TRMT2B: variants seen among roughly 807,000 people sequenced by gnomAD.
TRMT2B encodes the protein tRNA methyltransferase 2B, also known as tRNA (uracil-5-)-methyltransferase homolog B.
A neutral mutation model predicts 39.7 loss-of-function variants in TRMT2B; 34 were observed. The observed-to-expected ratio is 0.86, with a 90% CI of 0.65 to 1.14. The LOEUF (loss-of-function observed/expected upper bound fraction) is 1.14, where lower values mean the gene tolerates loss of function less well. Ranked by LOEUF, TRMT2B falls within the 50% of genes most tolerant of loss-of-function variation. The pLI, the probability that TRMT2B is intolerant of heterozygous loss-of-function variation, is 0.00. For missense variants in TRMT2B, 318 were observed against 377.2 expected (o/e 0.84, Z 1.30); for synonymous variants, 132 against 137.3 (o/e 0.96, Z 0.27).
At position 101,019,284 on chromosome X, in the gene TRMT2B, G is replaced by A. The variant is rs757181399; in HGVS notation, c.1288C>T (p.His430Tyr). 1.6e-5 allele frequency: 19 copies of A among 1,209,524 alleles called. No homozygotes were observed. The East Asian group carries it at 2.1e-4, about 13-fold the overall frequency. Residue 430 changes from histidine (H) to tyrosine (Y), a missense_variant and splice_region_variant, in exon 12 of 14, where the codon CAT (histidine) becomes TAT (tyrosine). Coordinates refer to ENST00000372936, the MANE Select transcript of TRMT2B (RefSeq NM_024917.6). ...CATCAAAATAGCTGTTCATCCTTAC[G>A]CAGTCCGGCACGGGCTGGGTTCACC... is the stretch of plus-strand genomic sequence containing the variant. ...AVVNPARAGL[H>Y]YKVIQAIRNF...
At chrX:100,999,210 C>G in the TRMT2B span, among the ~76,000 whole-genome samples, 1 of 112,235 alleles carries the variant, frequency 8.9e-6, no homozygotes, top group Non-Finnish European at 1.9e-5. Flanking sequence ...GCTTAGTCTC[C>G]TTTGAAGAGA....
intron 2 of TRMT2B, among the ~76,000 whole-genome samples, chrX:101,045,042 G>C (rs1357934221): frequency 5.7e-4 from 60 of 105,194 alleles, no homozygotes; most frequent in African/African-American, 2.0e-3. Flanking sequence ...AAAAAAAAAG[G>C]GGGGGGTGGG....
chrX:100,996,753 C>T, the TRMT2B span, among the ~76,000 whole-genome samples: 3 of 109,394 alleles, frequency 2.7e-5, no homozygotes, highest in Admixed American at 9.8e-5. Flanking sequence ...TCTCTACTAA[C>T]GATCAAAAAT....
At chrX:101,037,190 G>T in intron 5 of TRMT2B, 117 bp from the exon 6 acceptor site, 3 of 550,754 alleles carry the variant, frequency 5.4e-6, no homozygotes, top group Non-Finnish European at 9.2e-6. Context: ...TTGCTTGGAG[G>T]GTATGGCATA....
At chrX:100,990,729 A>G in the TRMT2B span, 1 of 561,023 alleles carries the variant, frequency 1.8e-6, no homozygotes, top group Non-Finnish European at 2.8e-6. Flanking sequence ...ACCAAAACTG[A>G]GCCTTAGAAA....
At chrX:100,998,073 G>A in the TRMT2B span, among the ~76,000 whole-genome samples, 1 of 110,152 alleles carries the variant, frequency 9.1e-6, no homozygotes, top group Non-Finnish European at 1.9e-5. Flanking sequence ...TGGCCAACAT[G>A]GTGAAATCCC....
chrX:101,007,872 CA>C (rs2086128014), downstream of TRMT2B, among the ~76,000 whole-genome samples: 1 of 110,464 alleles, frequency 9.1e-6, no homozygotes, highest in Non-Finnish European at 1.9e-5. Context: ...TGAACTGGGG[CA>C]AGAGTGAATA....
chrX:101,014,571 A>G (rs1199256351), intron 13 of TRMT2B, among the ~76,000 whole-genome samples: 2 of 108,797 alleles, frequency 1.8e-5, no homozygotes, highest in Non-Finnish European at 3.8e-5. Context: ...ATTTCCCTCT[A>G]TTGCCCAGGC....
intron 3 of TRMT2B, 37 bp downstream of exon 3, chrX:101,042,005 A>G (rs1311136822): frequency 8.3e-7 from 1 of 1,199,340 alleles, no homozygotes; most frequent in African/African-American, 1.7e-5. Flanking sequence ...ACAGATTGAG[A>G]CCTGCTAAGG....
At chrX:100,981,876 T>C in the TRMT2B span, among the ~76,000 whole-genome samples, 2 of 107,740 alleles carry the variant, frequency 1.9e-5, no homozygotes, top group African/African-American at 6.7e-5. Flanking sequence ...TTGGTTCTTA[T>C]GAAGGTGCTT....
At chrX:100,979,626 A>C in the TRMT2B span, among the ~76,000 whole-genome samples, 1 of 111,392 alleles carries the variant, frequency 9.0e-6, no homozygotes, top group Admixed American at 9.5e-5. Context: ...TAGCTCTTTT[A>C]GTGAGGTCAT....
chrX:101,004,158 G>C, the TRMT2B span, among the ~76,000 whole-genome samples: 2 of 110,968 alleles, frequency 1.8e-5, no homozygotes, highest in East Asian at 5.7e-4. Context: ...GTGCACCACT[G>C]TGCCTGGATA....
At chrX:101,035,073 G>A (rs1400749474) in intron 7 of TRMT2B, among the ~76,000 whole-genome samples, 2 of 111,257 alleles carry the variant, frequency 1.8e-5, no homozygotes, top group Admixed American at 9.7e-5. Context: ...GGTCAGGCAC[G>A]GTAGCTCATG....
intron 2 of TRMT2B, among the ~76,000 whole-genome samples, chrX:101,043,313 T>C (rs1311173262): frequency 9.1e-6 from 1 of 110,383 alleles, no homozygotes; most frequent in Admixed American, 9.7e-5. Flanking sequence ...GGCTCACGCC[T>C]GTAATCCCAA....
chrX:100,974,690 C>T, the TRMT2B span, among the ~76,000 whole-genome samples: 1 of 111,283 alleles, frequency 9.0e-6, no homozygotes, highest in Non-Finnish European at 1.9e-5. Flanking sequence ...TGAGAAATGT[C>T]GTCAGTTCCG....
chrX:101,008,268 GA>G (rs754125105), downstream of TRMT2B, among the ~76,000 whole-genome samples: 43 of 111,130 alleles, frequency 3.9e-4, no homozygotes, highest in African/African-American at 1.4e-3. Context: ...GGAATAAATG[GA>G]AAAAAATTGC....
At chrX:100,985,892 G>C in the TRMT2B span, 1 of 1,206,752 alleles carries the variant, frequency 8.3e-7, no homozygotes, top group East Asian at 3.0e-5. Context: ...TCCGATAAAA[G>C]AGTGGCAGGG....
intron 7 of TRMT2B, among the ~76,000 whole-genome samples, chrX:101,026,853 G>A (rs763963567): frequency 1.8e-5 from 2 of 111,273 alleles, no homozygotes; most frequent in African/African-American, 6.5e-5. Flanking sequence ...CATTGCCTTC[G>A]CTCAGTACTG....
intron 13 of TRMT2B, among the ~76,000 whole-genome samples, chrX:101,017,527 T>C (rs1179891714): frequency 8.9e-6 from 1 of 112,206 alleles, no homozygotes; most frequent in Non-Finnish European, 1.9e-5. Flanking sequence ...ATCTGTACTT[T>C]ATACCTGTCT....
Sources: gnomAD v4.1 joint callset for allele counts (sites outside exome capture counted in the v4.1 genomes callset) on GRCh38, gnomAD v4.1.1 for gene constraint, MANE v1.5 for transcripts, NCBI Gene and HGNC (gene_info 2026-07-23, HGNC 2026-07-21) for gene names.